CNTN5: variants seen among roughly 807,000 people sequenced by gnomAD.
CNTN5 encodes the protein contactin-5.
In CNTN5, 77 loss-of-function variants were observed where a neutral mutation model predicts 129.1. The observed-to-expected ratio is 0.60, with a 90% confidence interval of 0.50 to 0.72. The LOEUF is 0.72. Ranked by LOEUF, CNTN5 falls within the 30% of genes least tolerant of loss-of-function variation. The probability of loss-of-function intolerance (pLI) is 0.00; values close to 1 mark genes in which losing one functional copy is unlikely to be tolerated. For synonymous variants in CNTN5, 509 were observed against 465.6 expected (o/e 1.09, Z -1.20); for missense variants, 1,478 against 1,328.8 (o/e 1.11, Z -1.75).
chr11:99,747,190 T>C (rs1241197893), intron 3 of CNTN5, among the ~76,000 whole-genome samples: 14 of 152,176 alleles, frequency 9.2e-5, no homozygotes, highest in African/African-American at 1.7e-4. Context: ...ATAAAAAATA[T>C]TGCCTTCTTT....
chr11:100,181,895 G>C (rs1361089012), intron 13 of CNTN5, among the ~76,000 whole-genome samples: 1 of 151,990 alleles, frequency 6.6e-6, no homozygotes, highest in East Asian at 1.9e-4. Context: ...TTCTTCATGA[G>C]TTATATGACT....
chr11:99,264,194 T>A (rs1019685755), intron 1 of CNTN5, among the ~76,000 whole-genome samples: 1 of 151,632 alleles, frequency 6.6e-6, no homozygotes, highest in African/African-American at 2.4e-5. Context: ...TTATTTTAAA[T>A]TTTATACAAG....
chr11:99,059,493 C>G (rs4271353), intron 1 of CNTN5, among the ~76,000 whole-genome samples: 90,657 of 151,858 alleles, frequency 0.6, 27,838 homozygotes, highest in African/African-American at 0.76. Flanking sequence ...AAATACTTCC[C>G]TTTAGTCATT....
Position 100,178,664 on chromosome 11 carries a change from C to T in CNTN5, c.1581-12462C>T, listed in dbSNP as rs115199669. On this transcript the variant is annotated intron_variant, in intron 13 of 24. Transcript: ENST00000524871. ...CCACACACATAGTAAGATTGTGTTT[C>T]CTTGCTGTTCTGAGGTCACATGAGA... Among the ~76,000 whole-genome samples, 585 of 152,294 alleles carry T rather than the reference C, an allele frequency of 3.8e-3. 3 individuals are homozygous for T. Among genetic ancestry groups the T allele is most frequent in the African/African-American group, 0.013 (555 of 41,572 alleles).
chr11:99,942,391 A>G (rs1950459150), intron 7 of CNTN5, among the ~76,000 whole-genome samples: 1 of 152,006 alleles, frequency 6.6e-6, no homozygotes, highest in Non-Finnish European at 1.5e-5. Flanking sequence ...TTGAGAATGA[A>G]AAGGGGGAAT....
chr11:100,055,050 A>T lies in CNTN5; in HGVS notation c.981-6162A>T, dbSNP rs912675783. Reference sequence around the variant, plus strand: ...GCCTAAAAAAAAAAAAAAAAAAAAAAAGGCAAATGTATGTCCAGGAGACCA... The same window carrying T: ...GCCTAAAAAAAAAAAAAAAAAAAAATAGGCAAATGTATGTCCAGGAGACCA... On this transcript the variant is annotated intron_variant, in intron 9 of 24. Transcript: ENST00000524871. 2.1e-5 allele frequency among the ~76,000 whole-genome samples: 3 copies of T among 141,466 alleles called. No homozygotes were observed. In the East Asian group the frequency reaches 6.5e-4, roughly 30 times the overall value. The allele number at this position is 141,466 out of a possible 152,430, so 92.8% of individuals were successfully genotyped here. A position where few individuals can be genotyped will look rare whatever the true frequency, so the allele number is the denominator to read the frequency against.
At chr11:100,239,934 A>G (rs913267060) in intron 16 of CNTN5, among the ~76,000 whole-genome samples, 2 of 152,240 alleles carry the variant, frequency 1.3e-5, no homozygotes, top group Non-Finnish European at 2.9e-5. Flanking sequence ...TCAAGAGGTT[A>G]TTGATTCATA....
intron 3 of CNTN5, among the ~76,000 whole-genome samples, chr11:99,618,375 T>A (rs1356443498): frequency 1.3e-5 from 2 of 152,202 alleles, no homozygotes; most frequent in African/African-American, 4.8e-5. Flanking sequence ...GGGCAATGAT[T>A]TGATGTGCCA....
At chr11:99,084,749 C>T (rs1865933240) in intron 1 of CNTN5, among the ~76,000 whole-genome samples, 1 of 152,088 alleles carries the variant, frequency 6.6e-6, no homozygotes, top group Non-Finnish European at 1.5e-5. Context: ...AAAAAAAGTG[C>T]TCTAAGTTTT....
chr11:100,224,797 G>A lies in CNTN5; in HGVS notation c.1990G>A (p.Glu664Lys). Residue 664 changes from glutamate to lysine, a missense_variant, in exon 16 of 25, where the codon GAA becomes AAA. By Grantham distance (56) the Glu-to-Lys change is moderately conservative. Coordinates refer to ENST00000524871, the MANE Select transcript of CNTN5 (RefSeq NM_014361.4). Reference protein sequence around the residue: ...TTADSVSDEAELLVRGPPGPP... With the variant: ...TTADSVSDEAKLLVRGPPGPP... ...AGCAGACAGTGTGTCAGATGAGGCAGAACTTCTTGTTAGGGGTGAGTATGC... is the reference window on the plus strand; with the variant it reads ...AGCAGACAGTGTGTCAGATGAGGCAAAACTTCTTGTTAGGGGTGAGTATGC... 6.2e-7 allele frequency: 1 copy of A among 1,613,088 alleles called. No homozygotes were observed. Among genetic ancestry groups the A allele is most frequent in the African/African-American group, 1.3e-5 (1 of 75,004 alleles).
chr11:100,166,039 A>ATGAT (rs1453545271), intron 13 of CNTN5, among the ~76,000 whole-genome samples: 1 of 151,670 alleles, frequency 6.6e-6, no homozygotes, highest in East Asian at 1.9e-4. Context: ...TACCTTCTAA[A>ATGAT]TGATTGGTGT....
chr11:100,280,563 A>C (rs547356801), intron 18 of CNTN5, among the ~76,000 whole-genome samples: 3 of 152,172 alleles, frequency 2.0e-5, no homozygotes, highest in African/African-American at 7.2e-5. Context: ...TTTTCAATCT[A>C]TGAGTGTCTT....
intron 1 of CNTN5, among the ~76,000 whole-genome samples, chr11:99,136,826 A>G (rs571296612): frequency 6.6e-6 from 1 of 152,220 alleles, no homozygotes; most frequent in East Asian, 1.9e-4. Context: ...CCCACTGTTG[A>G]TGAATTTTGG....
intron 7 of CNTN5, among the ~76,000 whole-genome samples, chr11:99,934,764 A>G (rs895042978): frequency 6.6e-6 from 1 of 151,566 alleles, no homozygotes; most frequent in Admixed American, 6.6e-5. Context: ...ATGCACCTGT[A>G]GTCAGGAGGC....
At chr11:100,280,588 G>A (rs748986629) in intron 18 of CNTN5, among the ~76,000 whole-genome samples, 2 of 151,988 alleles carry the variant, frequency 1.3e-5, no homozygotes, top group African/African-American at 2.4e-5. Context: ...GGTGAAGTGT[G>A]TTGCTTGTAG....
intron 13 of CNTN5, among the ~76,000 whole-genome samples, chr11:100,091,318 A>C (rs1188481110): frequency 6.6e-6 from 1 of 151,200 alleles, no homozygotes; most frequent in Non-Finnish European, 1.5e-5. Flanking sequence ...CTCTATCTGA[A>C]ATTATTACCC....
intron 3 of CNTN5, among the ~76,000 whole-genome samples, chr11:99,694,226 T>C (rs1245854803): frequency 3.3e-5 from 5 of 152,258 alleles, no homozygotes; most frequent in Admixed American, 3.3e-4. Flanking sequence ...ACTTCAGGGC[T>C]GTGCAAACTT....
At chr11:99,230,991 T>C (rs111728737) in intron 1 of CNTN5, among the ~76,000 whole-genome samples, 13 of 152,236 alleles carry the variant, frequency 8.5e-5, no homozygotes, top group African/African-American at 3.1e-4. Flanking sequence ...ATTTTGTTTC[T>C]TTTTATGGCT....
intron 1 of CNTN5, among the ~76,000 whole-genome samples, chr11:99,127,366 A>G (rs138338808): frequency 1.7e-3 from 264 of 152,290 alleles, no homozygotes; most frequent in Non-Finnish European, 3.1e-3. Context: ...TCCATACTAT[A>G]TATTTTCAAC....
Sources: allele counts gnomAD v4.1 joint callset (sites outside exome capture counted in the v4.1 genomes callset), GRCh38; gene constraint gnomAD v4.1.1; transcripts MANE v1.5; gene names NCBI Gene and HGNC (gene_info 2026-07-23, HGNC 2026-07-21).